The following ALMS1 variants were observed in gnomAD, a reference collection of about 807,000 sequenced individuals.
ALMS1 encodes the protein ALMS1 centrosome and basal body associated protein.
Under a neutral mutation model 352.2 loss-of-function variants are expected in ALMS1, and 271 were observed. The observed-to-expected ratio is 0.77, with a 90% CI of 0.70 to 0.85. The LOEUF is 0.85. Among genes scored for constraint, ALMS1 ranks in the 40% least tolerant of loss-of-function variants. The pLI, the probability that ALMS1 is intolerant of heterozygous loss-of-function variation, is 0.00. For missense variants in ALMS1, 5,445 were observed against 4,870.7 expected (o/e 1.12, Z -3.51); for synonymous variants, 1,865 against 1,761.2 (o/e 1.06, Z -1.48).
At chr2:73,446,345 T>G (rs1236147046) in intron 7 of ALMS1, among the ~76,000 whole-genome samples, 1 of 152,136 alleles carries the variant, frequency 6.6e-6, no homozygotes, top group African/African-American at 2.4e-5. Flanking sequence ...AGGAAATCAT[T>G]TAGAAAAACA....
intron 15 of ALMS1, among the ~76,000 whole-genome samples, chr2:73,559,647 C>T (rs1409741621): frequency 6.6e-6 from 1 of 152,092 alleles, no homozygotes; most frequent in Non-Finnish European, 1.5e-5. Flanking sequence ...GAACAGCCTA[C>T]ATAAGGAGAG....
chr2:73,601,021 A>G (rs1675672840), intron 18 of ALMS1, 140 bp downstream of exon 18: 1 of 1,397,962 alleles, frequency 7.2e-7, no homozygotes, highest in South Asian at 1.4e-5. Flanking sequence ...TTCAGAGTCC[A>G]GCATGGCAGT....
intron 7 of ALMS1, among the ~76,000 whole-genome samples, chr2:73,437,697 G>T (rs1671631903): frequency 1.3e-5 from 2 of 152,078 alleles, no homozygotes; most frequent in Admixed American, 1.3e-4. Flanking sequence ...GAGTAGTATT[G>T]TGCTGTATGG....
intron 11 of ALMS1, among the ~76,000 whole-genome samples, chr2:73,528,551 T>C (rs1334481086): frequency 6.6e-6 from 1 of 152,252 alleles, no homozygotes; most frequent in Admixed American, 6.5e-5. Context: ...TCTTCCTCTC[T>C]TTTGGTTTCT....
chr2:73,486,985 G>T (rs781775519), intron 9 of ALMS1, among the ~76,000 whole-genome samples: 43 of 152,164 alleles, frequency 2.8e-4, no homozygotes, highest in Non-Finnish European at 5.3e-4. Flanking sequence ...AGCCTGGGAG[G>T]TCGTGGCTTC....
intron 9 of ALMS1, among the ~76,000 whole-genome samples, chr2:73,471,493 C>CA (rs58688820): frequency 0.5 from 56,527 of 113,560 alleles, 16,007 homozygotes; most frequent in East Asian, 0.78. Flanking sequence ...ACTCAACAGC[C>CA]AAAAAAAAAA....
intron 9 of ALMS1, among the ~76,000 whole-genome samples, chr2:73,487,889 T>G (rs1398403099): frequency 6.6e-6 from 1 of 152,032 alleles, no homozygotes; most frequent in Non-Finnish European, 1.5e-5. Flanking sequence ...TCTGCATCTT[T>G]CAGCAGAGAA....
intron 7 of ALMS1, among the ~76,000 whole-genome samples, chr2:73,443,723 T>C (rs1460696643): frequency 6.6e-6 from 1 of 152,196 alleles, no homozygotes; most frequent in African/African-American, 2.4e-5. Context: ...AATTGATGAA[T>C]ATTAAATGAA....
Position 73,573,082 on chromosome 2 carries a change from G to A in ALMS1, c.11205G>A (p.Ser3735=), listed in dbSNP as rs368226507. The change falls in exon 16 of 23, where the codon TCG becomes TCA. Residue 3735 remains serine, a synonymous_variant. Transcript: ENST00000613296. ...PGFNYISNTS[S]DCRPSEESEL... Reference sequence around the variant, plus strand: ...TTAATTATATAAGCAACACTTCTTCGGATTGTCGGCCCTCAGAGGAGAGTG... The same window carrying A: ...TTAATTATATAAGCAACACTTCTTCAGATTGTCGGCCCTCAGAGGAGAGTG... The A allele has an allele frequency of 1.1e-5, 18 of 1,613,760 alleles. No individual in the cohort carries two copies. The Middle Eastern group carries it at 4.9e-4, about 44-fold the overall frequency.
chr2:73,492,270 G>T (rs1673006380), intron 10 of ALMS1, among the ~76,000 whole-genome samples: 1 of 152,064 alleles, frequency 6.6e-6, no homozygotes, highest in African/African-American at 2.4e-5. Flanking sequence ...AGAGCGCTAG[G>T]CTTGGAAAGG....
At chr2:73,414,952 C>T (rs904808431) in intron 2 of ALMS1, among the ~76,000 whole-genome samples, 3 of 152,140 alleles carry the variant, frequency 2.0e-5, no homozygotes, top group African/African-American at 7.2e-5. Flanking sequence ...GGTTGGATTA[C>T]TTCATTTGTC....
Position 73,483,379 on chromosome 2 carries a change from G to A in ALMS1, c.7675-6255G>A, listed in dbSNP as rs1235473574. ...TTGTTCAGTTTCCATGTAGTTGAGC[G>A]GTTTTGAGTGAGATTCTTAATCTTG... On this transcript the variant is annotated intron_variant, in intron 9 of 22. Coordinates refer to ENST00000613296, the MANE Select transcript of ALMS1 (RefSeq NM_001378454.1). 1.6e-3 allele frequency among the ~76,000 whole-genome samples: 237 copies of A among 151,462 alleles called. 6 individuals are homozygous for A. The highest frequency in any genetic ancestry group is 5.5e-3 in the African/African-American group (224 of 41,094).
intron 7 of ALMS1, among the ~76,000 whole-genome samples, chr2:73,437,237 T>G (rs1671621410): frequency 6.6e-6 from 1 of 152,244 alleles, no homozygotes; most frequent in South Asian, 2.1e-4. Flanking sequence ...TTTGTGGCAC[T>G]GCTCTGTATC....
At chr2:73,596,254 A>G (rs1329113531) in intron 16 of ALMS1, among the ~76,000 whole-genome samples, 1 of 152,164 alleles carries the variant, frequency 6.6e-6, no homozygotes, top group Non-Finnish European at 1.5e-5. Flanking sequence ...TATTATGTTT[A>G]GGTCTGAAAT....
chr2:73,480,698 T>A (rs1672681656), intron 9 of ALMS1, among the ~76,000 whole-genome samples: 1 of 150,344 alleles, frequency 6.7e-6, no homozygotes, highest in East Asian at 1.9e-4. Flanking sequence ...ACCAACAGTG[T>A]AAAAGTGTTC....
chr2:73,552,637 C>A (rs1157676170), intron 13 of ALMS1, among the ~76,000 whole-genome samples: 2 of 152,210 alleles, frequency 1.3e-5, no homozygotes, highest in African/African-American at 4.8e-5. Context: ...GGTCTACTTA[C>A]AGACTTTGCA....
chr2:73,503,627 C>T (rs978956243), intron 10 of ALMS1, among the ~76,000 whole-genome samples: 1 of 152,102 alleles, frequency 6.6e-6, no homozygotes, highest in Non-Finnish European at 1.5e-5. Context: ...AATGGGATGG[C>T]TGGGTCAAAT....
rs1308282594 is a variant in ALMS1 at position 73,461,452 on chromosome 2, CTG to C, written c.7674+6159_7674+6160del. 2.6e-5 allele frequency among the ~76,000 whole-genome samples: 4 copies of C among 152,206 alleles called. No homozygotes were observed. The East Asian group carries it at 7.7e-4, about 29-fold the overall frequency. ...AAGGACATCCACACCAAAAACCCAT[CTG>C]TACGTCACCATCATCAAAGACCAAA... On this transcript the variant is annotated intron_variant, in intron 9 of 22. Transcript: ENST00000613296.
At chr2:73,508,040 T>TA (rs1673368729) in intron 10 of ALMS1, among the ~76,000 whole-genome samples, 1 of 152,136 alleles carries the variant, frequency 6.6e-6, no homozygotes, top group South Asian at 2.1e-4. Flanking sequence ...ATTTAGCCAG[T>TA]AGTCATTCAG....
Sources: allele counts gnomAD v4.1 joint callset (sites outside exome capture counted in the v4.1 genomes callset), GRCh38; gene constraint gnomAD v4.1.1; transcripts MANE v1.5; gene names NCBI Gene and HGNC (gene_info 2026-07-23, HGNC 2026-07-21).